Variants in SPINK6 observed in about 807,000 individuals in gnomAD.
SPINK6 encodes serine protease inhibitor Kazal-type 6.
Under a neutral mutation model 11.7 loss-of-function variants are expected in SPINK6, and 13 were observed. The observed-to-expected ratio is 1.11, with a 90% CI of 0.72 to 1.76. SPINK6 has a LOEUF of 1.76. SPINK6 is among the 40% of genes most tolerant of loss of function. The pLI is 0.00. For synonymous variants in SPINK6, 21 were observed against 31.9 expected, an observed-to-expected ratio of 0.66 and a Z score of 1.15; for missense variants, 98 against 93.7, an observed-to-expected ratio of 1.05 and a Z score of -0.19.
At chr5:148,208,577 G>A (rs1186579217) in intron 2 of SPINK6, among the ~76,000 whole-genome samples, 1 of 152,152 alleles carries the variant, frequency 6.6e-6, no homozygotes, top group African/African-American at 2.4e-5. Context: ...AATTTGAAAA[G>A]ATTATTCAAG....
chr5:148,210,294 ATG>A (rs372861077), intron 2 of SPINK6, among the ~76,000 whole-genome samples: 2 of 8,134 alleles, frequency 2.5e-4, no homozygotes, highest in African/African-American at 6.7e-4. Flanking sequence ...ATATATATGT[ATG>A]TTTCTGCATA....
At chr5:148,204,659 A>G (rs1269010513) in intron 1 of SPINK6, among the ~76,000 whole-genome samples, 1 of 152,078 alleles carries the variant, frequency 6.6e-6, no homozygotes, top group Admixed American at 6.6e-5. Context: ...GAATTAAATG[A>G]GAAAAAGGCA....
chr5:148,213,359 G>C (rs1047404198), intron 2 of SPINK6, among the ~76,000 whole-genome samples: 2 of 151,924 alleles, frequency 1.3e-5, no homozygotes, highest in Non-Finnish European at 2.9e-5. Context: ...ACCACACCCG[G>C]CTAATTTTTT....
At chr5:148,204,530 C>G (rs1581139579) in intron 1 of SPINK6, among the ~76,000 whole-genome samples, 1 of 149,680 alleles carries the variant, frequency 6.7e-6, no homozygotes, top group East Asian at 2.0e-4. Flanking sequence ...GGCCTTAATG[C>G]TGAAACAGAG....
At chr5:148,212,562 A>ATTT (rs1491180055) in intron 2 of SPINK6, among the ~76,000 whole-genome samples, 5 of 72,652 alleles carry the variant, frequency 6.9e-5, no homozygotes, top group African/African-American at 2.5e-4. Context: ...ATATTTATAT[A>ATTT]ATATATATTA....
intron 2 of SPINK6, among the ~76,000 whole-genome samples, chr5:148,206,475 T>C (rs1263223419): frequency 2.0e-5 from 3 of 152,188 alleles, no homozygotes; most frequent in Non-Finnish European, 4.4e-5. Flanking sequence ...CATTAAAGGC[T>C]ATATATGTAT....
At chr5:148,203,675 G>A (rs1755462847) in intron 1 of SPINK6, among the ~76,000 whole-genome samples, 1 of 152,122 alleles carries the variant, frequency 6.6e-6, no homozygotes, top group South Asian at 2.1e-4. Context: ...AGACAATGGG[G>A]AAATTGGAAA....
intron 2 of SPINK6, among the ~76,000 whole-genome samples, chr5:148,213,243 A>G (rs1446595862): frequency 6.6e-6 from 1 of 151,952 alleles, no homozygotes; most frequent in African/African-American, 2.4e-5. Flanking sequence ...ACGGCGTCTC[A>G]GTCTGTCGCC....
rs1554112271 is a variant in SPINK6, at chr5:148,210,007, C to CATACACACCTACGTATGT, written c.82-3901_82-3900insACACACCTACGTATGTAT. Among the ~76,000 whole-genome samples the CATACACACCTACGTATGT allele has an allele frequency of 2.8e-5, 3 of 105,728 alleles. 1 individual carries two copies. Among genetic ancestry groups the CATACACACCTACGTATGT allele is most frequent in the Admixed American group, 1.7e-4 (2 of 11,906 alleles). The allele number at this position is 105,728 out of a possible 152,430, so 69.4% of individuals were successfully genotyped here. The stretch of plus-strand genomic sequence containing the variant: ...ATGTATACATATACACGTATGTATA[C>CATACACACCTACGTATGT]ATGTATGTACGCATGTACGCATGCA... On this transcript the variant is annotated intron_variant, in intron 2 of 3. Coordinates refer to ENST00000325630, the MANE Select transcript of SPINK6 (RefSeq NM_205841.4).
chr5:148,208,296 G>A (rs1023449586), intron 2 of SPINK6, among the ~76,000 whole-genome samples: 1 of 152,142 alleles, frequency 6.6e-6, no homozygotes, highest in Non-Finnish European at 1.5e-5. Context: ...AAATGACAGG[G>A]AAGCTCCTAT....
chr5:148,208,799 A>G (rs1755532256), intron 2 of SPINK6, among the ~76,000 whole-genome samples: 1 of 152,218 alleles, frequency 6.6e-6, no homozygotes. Context: ...AAATGTTTAA[A>G]AGACACATTT....
intron 2 of SPINK6, among the ~76,000 whole-genome samples, chr5:148,207,981 A>T (rs995570926): frequency 3.9e-5 from 6 of 152,142 alleles, no homozygotes; most frequent in African/African-American, 1.4e-4. Context: ...CATTTTAAAT[A>T]ATTATCCAGA....
chr5:148,214,802 C>T lies in SPINK6; in HGVS notation c.198-103C>T, dbSNP rs77120738. 1.2e-4 allele frequency: 105 copies of T among 864,132 alleles called. No individual in the cohort carries two copies. In the African/African-American group the frequency reaches 1.5e-3, roughly 13 times the overall value. The allele number at this position is 864,132 out of a possible 1,614,324, so 53.5% of individuals were successfully genotyped here. On this transcript the variant is annotated intron_variant, in intron 3 of 3. Transcript: ENST00000325630. ...ATCATATAAATGGAATTTATAGAAT[C>T]AAATAATTAAATGGACCATGCCATT... is the stretch of plus-strand genomic sequence containing the variant.
upstream of SPINK6, chr5:148,203,036 G>T: frequency 7.0e-7 from 1 of 1,424,946 alleles, no homozygotes; most frequent in Non-Finnish European, 9.6e-7. Flanking sequence ...TCTGGGAATT[G>T]TCTTGACAGA....
intron 2 of SPINK6, among the ~76,000 whole-genome samples, chr5:148,207,668 T>C (rs539254844): frequency 6.6e-6 from 1 of 152,168 alleles, no homozygotes; most frequent in African/African-American, 2.4e-5. Flanking sequence ...CCATCTCTAC[T>C]AAAAATATAA....
intron 2 of SPINK6, among the ~76,000 whole-genome samples, chr5:148,212,018 A>T (rs900480689): frequency 1.3e-5 from 2 of 152,154 alleles, no homozygotes; most frequent in African/African-American, 4.8e-5. Context: ...GGAGGGGTTC[A>T]GCTTAACCTA....
intron 2 of SPINK6, among the ~76,000 whole-genome samples, chr5:148,209,410 G>A (rs1581141452): frequency 6.6e-6 from 1 of 152,200 alleles, no homozygotes; most frequent in Non-Finnish European, 1.5e-5. Flanking sequence ...GCTTTGAGCA[G>A]TACAATTTCT....
At chr5:148,211,632 G>C (rs1047794419) in intron 2 of SPINK6, among the ~76,000 whole-genome samples, 2 of 152,112 alleles carry the variant, frequency 1.3e-5, no homozygotes, top group Non-Finnish European at 2.9e-5. Context: ...CGTTGTTCAA[G>C]ATAACACAGA....
chr5:148,214,290 A>G lies in SPINK6; in HGVS notation c.197+265A>G, dbSNP rs143582543. On this transcript the variant is annotated intron_variant, in intron 3 of 3. Coordinates refer to ENST00000325630, the MANE Select transcript of SPINK6 (RefSeq NM_205841.4). ...TAGACAAGTTTTCAAAAACATTCACACATCTTATACATTATAACTTATTAT... is the reference window on the plus strand; with the variant it reads ...TAGACAAGTTTTCAAAAACATTCACGCATCTTATACATTATAACTTATTAT... Among the ~76,000 whole-genome samples, 661 of 152,282 alleles carry G rather than the reference A, an allele frequency of 4.3e-3. 15 individuals are homozygous for G. Among genetic ancestry groups the G allele is most frequent in the African/African-American group, 0.015 (631 of 41,574 alleles).
Sources: gnomAD v4.1 joint callset for allele counts (sites outside exome capture counted in the v4.1 genomes callset) on GRCh38, gnomAD v4.1.1 for gene constraint, MANE v1.5 for transcripts, NCBI Gene and HGNC (gene_info 2026-07-23, HGNC 2026-07-21) for gene names.